The following LSP1 variants were observed in gnomAD, a reference collection of about 807,000 sequenced individuals.
LSP1 encodes lymphocyte-specific protein 1.
Under a neutral mutation model 49.3 loss-of-function variants are expected in LSP1, and 32 were observed. That is an observed-to-expected ratio of 0.65 (90% CI 0.49 to 0.87). LSP1 has a LOEUF of 0.87. LSP1 is among the 40% of genes least tolerant of loss of function. LSP1 has a pLI of 0.00. For missense variants in LSP1, 428 were observed against 442.6 expected (o/e 0.97, Z 0.30); for synonymous variants, 179 against 178.8 (o/e 1.00, Z -0.01).
chr11:1,862,313 C>A (rs1847663112), intron 1 of LSP1, among the ~76,000 whole-genome samples: 1 of 152,214 alleles, frequency 6.6e-6, no homozygotes, highest in Non-Finnish European at 1.5e-5. Flanking sequence ...TGAATCTTGG[C>A]CGCTACATGT....
At chr11:1,858,558 A>G (rs116144242) in intron 1 of LSP1, among the ~76,000 whole-genome samples, 2,046 of 152,276 alleles carry the variant, frequency 0.013, 50 homozygotes, top group African/African-American at 0.047. Flanking sequence ...GCAATCGAAG[A>G]GGGCTTTCCA....
Position 1,884,060 on chromosome 11 carries a change from T to TCCCCC in LSP1, c.591+37_591+38insCCCCC. 1 of 1,565,708 alleles carries TCCCCC rather than the reference T, an allele frequency of 6.4e-7. No individual in the cohort carries two copies. The highest frequency in any genetic ancestry group is 8.7e-7 in the Non-Finnish European group (1 of 1,151,996). On this transcript the variant is annotated intron_variant, in intron 5 of 10. Coordinates refer to ENST00000311604, the MANE Select transcript of LSP1 (RefSeq NM_002339.3). This position sits in a 1 kb window ranked among gnomAD's most constrained non-coding sequence, Gnocchi z 4.1. Reference sequence around the variant, plus strand: ...CTGCAAAGCCTGCCATCTTCTCCCCTCTCCCGTACTCATACCCAAAAGGCC... The same window carrying TCCCCC: ...CTGCAAAGCCTGCCATCTTCTCCCCTCCCCCCTCCCGTACTCATACCCAAAAGGCC...
chr11:1,864,193 G>C, intron 1 of LSP1: 2 of 986,938 alleles, frequency 2.0e-6, no homozygotes, highest in Non-Finnish European at 2.4e-6. Context: ...GGAGGGGACG[G>C]GACAAAGAGG....
intron 1 of LSP1, among the ~76,000 whole-genome samples, chr11:1,875,374 G>T (rs186494200): frequency 1.6e-3 from 245 of 152,312 alleles, no homozygotes; most frequent in African/African-American, 5.7e-3. Context: ...GGGGGACCCA[G>T]CGCGTGCAGA....
At chr11:1,876,573 T>C in intron 1 of LSP1, 1 of 985,560 alleles carries the variant, frequency 1.0e-6, no homozygotes, top group Non-Finnish European at 1.2e-6. Flanking sequence ...AGGAGCTGCC[T>C]GCAGGGGGCA....
Position 1,883,151 on chromosome 11 carries a change from G to T in LSP1, c.357-268G>T, listed in dbSNP as rs141101256. 3.2e-3 allele frequency among the ~76,000 whole-genome samples: 483 copies of T among 152,302 alleles called. 2 individuals are homozygous for T. Among genetic ancestry groups the T allele is most frequent in the Middle Eastern group, 0.014 (4 of 292 alleles). On this transcript the variant is annotated intron_variant, in intron 3 of 10. Transcript: ENST00000311604. ...TTGAACCCAGCCTCAGTGCCTGGGGGACCCTCAGTCTGTAGAGCCCTGTCT... is the reference window on the plus strand; with the variant it reads ...TTGAACCCAGCCTCAGTGCCTGGGGTACCCTCAGTCTGTAGAGCCCTGTCT...
rs1256202064 is a variant in LSP1 at position 1,881,528 on chromosome 11, G to T, written c.288G>T (p.Gly96=). The T allele has an allele frequency of 6.4e-7, 1 of 1,556,090 alleles. No homozygotes were observed. The highest frequency in any genetic ancestry group is 8.7e-7 in the Non-Finnish European group (1 of 1,149,542). ...CAGAGCAGCGGCAGCAGCACGAGGG[G>T]GCGCAGGGCGCCTTGGACAGCGGAG... ...QRPEQRQQHE[G]AQGALDSGEP... The change falls in exon 3 of 11, where the codon GGG becomes GGT. Residue 96 remains glycine, a synonymous_variant. Transcript: ENST00000311604.
intron 1 of LSP1, among the ~76,000 whole-genome samples, chr11:1,877,152 G>T (rs1393876091): frequency 3.9e-5 from 6 of 152,172 alleles, no homozygotes; most frequent in Non-Finnish European, 8.8e-5. Flanking sequence ...GCTGGCCGGG[G>T]GGCGCCTTTC....
chr11:1,853,442 G>C (rs887885468), intron 1 of LSP1, among the ~76,000 whole-genome samples: 1 of 152,208 alleles, frequency 6.6e-6, no homozygotes, highest in Non-Finnish European at 1.5e-5. Context: ...GGACTCACTG[G>C]GGGAGGCGCG....
In LSP1 at chr11:1,884,874, A is replaced by G. The variant is rs1848692656; in HGVS notation, c.717+293A>G. Reference sequence around the variant, plus strand: ...CAATTAATGTTCCTTTATACAACCAATACTCCTGCAACCAATACTCCTCCA... The same window carrying G: ...CAATTAATGTTCCTTTATACAACCAGTACTCCTGCAACCAATACTCCTCCA... On this transcript the variant is annotated intron_variant, in intron 7 of 10. Transcript: ENST00000311604. This position sits in a 1 kb window ranked among gnomAD's most constrained non-coding sequence, Gnocchi z 4.1. Among the ~76,000 whole-genome samples, 1 of 151,638 alleles carries G rather than the reference A, an allele frequency of 6.6e-6. No homozygotes were observed. The highest frequency in any genetic ancestry group is 1.5e-5 in the Non-Finnish European group (1 of 67,928).
chr11:1,863,995 C>T (rs74047618), intron 1 of LSP1, among the ~76,000 whole-genome samples: 8,338 of 144,370 alleles, frequency 0.058, 440 homozygotes, highest in African/African-American at 0.14. Flanking sequence ...GAGGTGACAA[C>T]AAGAGCAGAG....
chr11:1,883,010 C>T (rs1848607788), intron 3 of LSP1, among the ~76,000 whole-genome samples: 1 of 152,210 alleles, frequency 6.6e-6, no homozygotes, highest in African/African-American at 2.4e-5. Context: ...CCAAGGGCCC[C>T]CACAGGGAGC....
At chr11:1,873,584 A>T (rs74047629) in intron 1 of LSP1, among the ~76,000 whole-genome samples, 1 of 147,032 alleles carries the variant, frequency 6.8e-6, no homozygotes, top group African/African-American at 2.5e-5. Context: ...AGAGGGAGGA[A>T]GAAGGGAGGA....
chr11:1,890,544 C>G, intron 10 of LSP1: 1 of 713,988 alleles, frequency 1.4e-6, no homozygotes, highest in Non-Finnish European at 2.6e-6. Flanking sequence ...GAGGCTTGGG[C>G]CGCACACCTC....
At chr11:1,867,044 G>A in intron 1 of LSP1, 1 of 957,922 alleles carries the variant, frequency 1.0e-6, no homozygotes, top group South Asian at 1.8e-5. Flanking sequence ...GACCTGGGGA[G>A]GAGGCACTGA....
chr11:1,887,229 G>C lies in LSP1; in HGVS notation c.853-8G>C. On this transcript the variant is annotated splice_region_variant and splice_polypyrimidine_tract_variant and intron_variant, in intron 8 of 10. Coordinates refer to ENST00000311604, the MANE Select transcript of LSP1 (RefSeq NM_002339.3). ...TGCCCTTGTGACATACCCTTCTGCT[G>C]CCCCCAGGATATTGTGGCTGGAGAC... The C allele has an allele frequency of 6.5e-7, 1 of 1,543,190 alleles. No homozygotes were observed. Among genetic ancestry groups the C allele is most frequent in the Non-Finnish European group, 8.9e-7 (1 of 1,129,490 alleles).
At chr11:1,878,958 T>C (rs1004817545) in intron 1 of LSP1, among the ~76,000 whole-genome samples, 3 of 151,898 alleles carry the variant, frequency 2.0e-5, no homozygotes, top group African/African-American at 7.3e-5. Flanking sequence ...TGCCTACCTC[T>C]GTCCCTGAGG....
intron 2 of LSP1, 157 bp from the exon 3 acceptor site, chr11:1,881,275 C>A: frequency 1.4e-6 from 1 of 690,762 alleles, no homozygotes; most frequent in Non-Finnish European, 2.3e-6. Flanking sequence ...CTCAGGTATT[C>A]TGACCACAGG....
At chr11:1,876,588 C>T (rs991953343) in intron 1 of LSP1, 156 of 985,430 alleles carry the variant, frequency 1.6e-4, no homozygotes, top group African/African-American at 3.3e-4. Context: ...GGGGCAGAGT[C>T]GGGACGGGGA....
Sources: gnomAD v4.1 joint callset for allele counts (sites outside exome capture counted in the v4.1 genomes callset) on GRCh38, gnomAD v4.1.1 for gene constraint, Gnocchi (gnomAD v3.1) non-coding constraint, MANE v1.5 for transcripts, NCBI Gene and HGNC (gene_info 2026-07-23, HGNC 2026-07-21) for gene names.